Variants in PBX3 observed in about 807,000 individuals in gnomAD.
PBX3 encodes the protein PBX homeobox 3.
Under a neutral mutation model 48.5 loss-of-function variants are expected in PBX3, and 14 were observed. The observed-to-expected ratio is 0.29, with a 90% CI of 0.19 to 0.45. The LOEUF (loss-of-function observed/expected upper bound fraction) is 0.45. Ranked by LOEUF, PBX3 falls within the 20% of genes least tolerant of loss-of-function variation. The pLI, the probability that PBX3 is intolerant of heterozygous loss-of-function variation, is 1.00. For synonymous variants in PBX3, 210 were observed against 200.3 expected, an observed-to-expected ratio of 1.05 and a Z score of -0.41; for missense variants, 386 against 546.7, an observed-to-expected ratio of 0.71 and a Z score of 2.93.
intron 2 of PBX3, among the ~76,000 whole-genome samples, chr9:125,782,372 A>G (rs951199382): frequency 2.0e-5 from 3 of 152,166 alleles, no homozygotes; most frequent in African/African-American, 7.2e-5. Flanking sequence ...GTGGGAATTC[A>G]AGATGAGATT....
intron 2 of PBX3, among the ~76,000 whole-genome samples, chr9:125,882,041 A>G (rs1009798105): frequency 6.6e-6 from 1 of 151,672 alleles, no homozygotes; most frequent in Admixed American, 6.6e-5. Flanking sequence ...TCTCTGCAAA[A>G]TAAATAAATA....
At chr9:125,920,442 C>T (rs946963219) in intron 3 of PBX3, among the ~76,000 whole-genome samples, 1 of 152,158 alleles carries the variant, frequency 6.6e-6, no homozygotes, top group Non-Finnish European at 1.5e-5. Flanking sequence ...GTTCCTCCAC[C>T]ACCCTACCAA....
At chr9:125,780,009 A>G (rs62567216) in intron 2 of PBX3, among the ~76,000 whole-genome samples, 270 of 67,086 alleles carry the variant, frequency 4.0e-3, no homozygotes, top group Middle Eastern at 0.011. Flanking sequence ...CAGTAGGGGC[A>G]GCCGGGCAGA....
At chr9:125,749,348 A>G (rs560941435) in intron 2 of PBX3, 4 of 152,238 alleles carry the variant, frequency 2.6e-5, no homozygotes, top group African/African-American at 4.8e-5. Context: ...CTACAGGTAC[A>G]TATTTGGCAA....
chr9:125,874,062 A>G (rs1469902491), intron 2 of PBX3, among the ~76,000 whole-genome samples: 2 of 152,194 alleles, frequency 1.3e-5, no homozygotes, highest in East Asian at 1.9e-4. Flanking sequence ...AAGAAGGAAT[A>G]TCCTGAACAC....
intron 2 of PBX3, among the ~76,000 whole-genome samples, chr9:125,834,622 T>A (rs1839066718): frequency 6.6e-6 from 1 of 151,448 alleles, no homozygotes. Flanking sequence ...GGTCTTGAAC[T>A]CCTGACCTCA....
intron 2 of PBX3, among the ~76,000 whole-genome samples, chr9:125,847,972 A>G (rs1318610726): frequency 6.6e-6 from 1 of 152,028 alleles, no homozygotes; most frequent in Non-Finnish European, 1.5e-5. Flanking sequence ...ACAGAGCAAC[A>G]TTAGTAAATA....
chr9:125,750,873 T>C (rs1362774290), intron 2 of PBX3, among the ~76,000 whole-genome samples: 1 of 152,164 alleles, frequency 6.6e-6, no homozygotes, highest in East Asian at 1.9e-4. Context: ...CATTCTCCCC[T>C]ACTACCCATA....
chr9:125,852,159 C>G (rs1839601868), intron 2 of PBX3, among the ~76,000 whole-genome samples: 4 of 152,078 alleles, frequency 2.6e-5, no homozygotes, highest in Admixed American at 6.6e-5. Flanking sequence ...AGGGCTGCTG[C>G]CATATGTTAC....
chr9:125,771,486 A>G (rs931916220), intron 2 of PBX3, among the ~76,000 whole-genome samples: 5 of 152,218 alleles, frequency 3.3e-5, no homozygotes, highest in African/African-American at 1.2e-4. Flanking sequence ...AAAATATAAA[A>G]TTTCATGGCT....
At chr9:125,823,568 A>AG (rs150960180) in intron 2 of PBX3, among the ~76,000 whole-genome samples, 9,011 of 152,122 alleles carry the variant, frequency 0.059, 611 homozygotes, top group East Asian at 0.17. Context: ...ATAAAGTTTT[A>AG]AAGGCTAAAT....
chr9:125,922,104 G>A (rs748132802), intron 3 of PBX3, among the ~76,000 whole-genome samples: 1 of 152,092 alleles, frequency 6.6e-6, no homozygotes, highest in East Asian at 1.9e-4. Context: ...AGAAAACACC[G>A]AAAACTTTAA....
At chr9:125,764,326 C>T (rs1440498842) in intron 2 of PBX3, among the ~76,000 whole-genome samples, 1 of 152,234 alleles carries the variant, frequency 6.6e-6, no homozygotes, top group Non-Finnish European at 1.5e-5. Flanking sequence ...ATGAATTCTT[C>T]ATCTGTGGAG....
At chr9:125,748,073 G>C (rs528027702) in intron 1 of PBX3, 151 of 234,608 alleles carry the variant, frequency 6.4e-4, no homozygotes, top group Non-Finnish European at 1.0e-3. Flanking sequence ...ACCCGGGCCC[G>C]GCGCGGGGCG....
In PBX3 at chr9:125,922,879, A is replaced by G. The variant is rs188136916; in HGVS notation, c.517-6776A>G. ...AAATCACTTTGCTTTAAGTGTATGC[A>G]TCTTTCTTAAGGGTGTACCCAGATT... On this transcript the variant is annotated intron_variant, in intron 3 of 8. Transcript: ENST00000373489. Among the ~76,000 whole-genome samples, 134 of 152,350 alleles carry G rather than the reference A, an allele frequency of 8.8e-4. 5 individuals are homozygous for G. Among genetic ancestry groups the G allele is most frequent in the Admixed American group, 8.7e-3 (133 of 15,300 alleles).
chr9:125,831,287 C>G (rs747594331), intron 2 of PBX3, among the ~76,000 whole-genome samples: 1 of 152,184 alleles, frequency 6.6e-6, no homozygotes, highest in Non-Finnish European at 1.5e-5. Context: ...TAGTGCCAGC[C>G]TGATTTCTTC....
intron 2 of PBX3, among the ~76,000 whole-genome samples, chr9:125,861,253 T>A (rs1394596656): frequency 6.6e-6 from 1 of 151,770 alleles, no homozygotes; most frequent in Non-Finnish European, 1.5e-5. Context: ...GAGCCGTGAT[T>A]GAGCCACTGT....
intron 2 of PBX3, among the ~76,000 whole-genome samples, chr9:125,876,758 G>A (rs1840259804): frequency 6.7e-6 from 1 of 148,646 alleles, no homozygotes; most frequent in Non-Finnish European, 1.5e-5. Context: ...TTTAAATCTT[G>A]TGTTGTTATC....
At chr9:125,822,524 C>T (rs1220493836) in intron 2 of PBX3, among the ~76,000 whole-genome samples, 1 of 152,064 alleles carries the variant, frequency 6.6e-6, no homozygotes. Context: ...GTAAATAATA[C>T]TCTTTCTTTA....
Sources: gnomAD v4.1 joint callset for allele counts (sites outside exome capture counted in the v4.1 genomes callset) on GRCh38, gnomAD v4.1.1 for gene constraint, MANE v1.5 for transcripts, NCBI Gene and HGNC (gene_info 2026-07-23, HGNC 2026-07-21) for gene names.